NXPE3: variants seen among roughly 807,000 people sequenced by gnomAD.
NXPE3 encodes NXPE family member 3.
NXPE3 carries 26 observed loss-of-function variants against 46.1 expected under a neutral mutation model. The ratio of observed to expected loss-of-function variants is 0.56; its 90% CI spans 0.41 to 0.78. The LOEUF (loss-of-function observed/expected upper bound fraction) is 0.78, where lower values mean the gene tolerates loss of function less well. Among genes scored for constraint, NXPE3 ranks in the 30% least tolerant of loss-of-function variants. The probability of loss-of-function intolerance (pLI) is 0.00; values close to 1 mark genes in which losing one functional copy is unlikely to be tolerated. For synonymous variants in NXPE3, 272 were observed against 257.9 expected (o/e 1.05, Z -0.52); for missense variants, 620 against 686.0 (o/e 0.90, Z 1.07).
intron 7 of NXPE3, among the ~76,000 whole-genome samples, chr3:101,818,759 T>A (rs1348711843): frequency 7.7e-4 from 55 of 71,206 alleles, no homozygotes; most frequent in African/African-American, 2.1e-3. Context: ...ATATATTTTT[T>A]TTTTTTTTTT....
Position 101,825,970 on chromosome 3 carries a change from G to A in NXPE3, c.*4016G>A, listed in dbSNP as rs562536067. 2.0e-5 allele frequency: 3 copies of A among 152,230 alleles called. No individual in the cohort carries two copies. Among genetic ancestry groups the A allele is most frequent in the Non-Finnish European group, 2.9e-5 (2 of 68,014 alleles). The allele number at this position is 152,230 out of a possible 1,614,324, so 9.4% of individuals were successfully genotyped here. On this transcript the variant is annotated 3_prime_UTR_variant, in exon 8 of 8. Transcript: ENST00000273347. ...CTACTAAAAGTAACCTTTCTTCAGC[G>A]AATGCAAAACAGACCTTTGGTGTTC...
chr3:101,787,298 G>A (rs767448132), intron 4 of NXPE3, among the ~76,000 whole-genome samples: 2 of 152,042 alleles, frequency 1.3e-5, no homozygotes, highest in Non-Finnish European at 2.9e-5. Flanking sequence ...TATGATATTT[G>A]TCCTTTTTTT....
intron 4 of NXPE3, among the ~76,000 whole-genome samples, chr3:101,786,774 T>G (rs1332046593): frequency 6.6e-6 from 1 of 152,220 alleles, no homozygotes; most frequent in African/African-American, 2.4e-5. Flanking sequence ...AAGTATTTTT[T>G]GTGGTAAATA....
At chr3:101,780,172 A>G (rs769266215) in intron 1 of NXPE3, among the ~76,000 whole-genome samples, 18 of 152,352 alleles carry the variant, frequency 1.2e-4, no homozygotes, top group Admixed American at 3.9e-4. Context: ...CATTTGGAAC[A>G]TCAGGATATA....
rs1941161686 is a variant in NXPE3 at position 101,801,700 on chromosome 3, C to G, written c.559C>G (p.Leu187Val). Reference sequence around the variant, plus strand: ...AGGCAAAGTTAAAGTATCCGTATCTCTGGTCCACCCCAGTGAAGGGATCAG... The same window carrying G: ...AGGCAAAGTTAAAGTATCCGTATCTGTGGTCCACCCCAGTGAAGGGATCAG... ...WPGKVKVSVSLVHPSEGIRVL... is the reference protein window; with the variant it reads ...WPGKVKVSVSVVHPSEGIRVL... Residue 187 changes from leucine to valine, a missense_variant, in exon 5 of 8, where the codon CTG (leucine) becomes GTG (valine). This residue lies in a region of NXPE3 where 511 missense variants were observed against 528.6 expected (regional missense o/e 0.97). Transcript: ENST00000273347. 2 of 1,614,206 alleles carry G rather than the reference C, an allele frequency of 1.2e-6. No individual in the cohort carries two copies. Among genetic ancestry groups the G allele is most frequent in the East Asian group, 2.2e-5 (1 of 44,890 alleles).
Position 101,821,807 on chromosome 3 carries a change from G to A in NXPE3, c.1533G>A (p.Arg511=). Residue 511 remains arginine (R), a synonymous_variant, in exon 8 of 8, where the codon AGG becomes AGA. Transcript: ENST00000273347. ...YNFQLDTILR[R]MFSGVGVYLV... ...TTCAGCTGGACACCATCCTTCGGAG[G>A]ATGTTCTCAGGGGTTGGAGTATATC... The A allele has an allele frequency of 5.6e-6, 9 of 1,614,214 alleles. No homozygotes were observed. The highest frequency in any genetic ancestry group is 7.6e-6 in the Non-Finnish European group (9 of 1,180,048).
rs1942299586 is a variant in NXPE3 at position 101,822,420 on chromosome 3, A to G, written c.*466A>G. ...GGTTAACTAGAGAAAGCTTATAGTC[A>G]GAGGCTCTTGTGAATGCACTGAAGA... On this transcript the variant is annotated 3_prime_UTR_variant, in exon 8 of 8. Transcript: ENST00000273347. 1.3e-5 allele frequency: 2 copies of G among 156,756 alleles called. No homozygotes were observed. The highest frequency in any genetic ancestry group is 4.8e-5 in the African/African-American group (2 of 41,488). 9.7% of individuals were successfully genotyped at this position (156,756 alleles called of 1,614,324 possible). A position where few individuals can be genotyped will look rare whatever the true frequency, so the allele number is the denominator to read the frequency against.
At chr3:101,794,152 A>G (rs1013284698) in intron 4 of NXPE3, among the ~76,000 whole-genome samples, 14 of 150,950 alleles carry the variant, frequency 9.3e-5, no homozygotes, top group Non-Finnish European at 2.1e-4. Context: ...GCTAAATCGC[A>G]TTACTGTTTC....
chr3:101,821,664 C>T lies in NXPE3; in HGVS notation c.1390C>T (p.Arg464Cys), dbSNP rs762578763. The T allele has an allele frequency of 1.1e-5, 18 of 1,614,076 alleles. No individual in the cohort carries two copies. The highest frequency in any genetic ancestry group is 4.5e-5 in the East Asian group (2 of 44,894). ...EVYIRRLRNI[R>C]RAVVRLLDRS... is the part of the protein sequence containing the mutation. Reference sequence around the variant, plus strand: ...GTACATCCGGCGGCTCAGGAACATCCGTCGAGCAGTGGTTCGGCTCCTCGA... The same window carrying T: ...GTACATCCGGCGGCTCAGGAACATCTGTCGAGCAGTGGTTCGGCTCCTCGA... Residue 464 changes from arginine to cysteine, a missense_variant, in exon 8 of 8, where the codon CGT (arginine) becomes TGT (cysteine). Coordinates refer to ENST00000273347, the MANE Select transcript of NXPE3 (RefSeq NM_145037.4).
At chr3:101,786,821 T>C (rs1227161088) in intron 4 of NXPE3, among the ~76,000 whole-genome samples, 1 of 152,220 alleles carries the variant, frequency 6.6e-6, no homozygotes, top group Non-Finnish European at 1.5e-5. Flanking sequence ...CATTTTTAGG[T>C]GTACAATTGA....
chr3:101,798,635 C>G (rs1244741783), intron 4 of NXPE3, among the ~76,000 whole-genome samples: 1 of 142,768 alleles, frequency 7.0e-6, no homozygotes, highest in African/African-American at 2.6e-5. Flanking sequence ...GTTTTTGAGA[C>G]AAAGTCTTGT....
rs1169478520 is a variant in NXPE3, at chr3:101,782,645, T to G, written c.-316-15T>G. On this transcript the variant is annotated splice_polypyrimidine_tract_variant and intron_variant, in intron 2 of 7. Coordinates refer to ENST00000273347, the MANE Select transcript of NXPE3 (RefSeq NM_145037.4). The stretch of plus-strand genomic sequence containing the variant: ...GGTTTTATTCTTTATTTTATTTCAT[T>G]TTTTTTTGAGACAGAGTCCTGCTCT... 1.3e-5 allele frequency: 2 copies of G among 152,008 alleles called. No individual in the cohort carries two copies. Among genetic ancestry groups the G allele is most frequent in the Admixed American group, 6.6e-5 (1 of 15,260 alleles). 9.4% of individuals were successfully genotyped at this position (152,008 alleles called of 1,614,324 possible). A position where few individuals can be genotyped will look rare whatever the true frequency, so the allele number is the denominator to read the frequency against.
At chr3:101,804,887 TC>T (rs1298324194) in intron 5 of NXPE3, among the ~76,000 whole-genome samples, 1 of 152,260 alleles carries the variant, frequency 6.6e-6, no homozygotes, top group Admixed American at 6.5e-5. Context: ...AATGGGCTTA[TC>T]ACCTACAACA....
chr3:101,817,242 T>C (rs1208600298), intron 7 of NXPE3, among the ~76,000 whole-genome samples: 2 of 152,248 alleles, frequency 1.3e-5, no homozygotes, highest in Non-Finnish European at 2.9e-5. Context: ...GCTGTATGAC[T>C]TTGGACAAGT....
At chr3:101,809,841 A>G (rs1275438060) in intron 6 of NXPE3, among the ~76,000 whole-genome samples, 1 of 151,950 alleles carries the variant, frequency 6.6e-6, no homozygotes, top group Non-Finnish European at 1.5e-5. Flanking sequence ...TGTTTTGAGC[A>G]CTTCCTTAGT....
intron 3 of NXPE3, 70 bp downstream of exon 3, chr3:101,782,850 C>T (rs1429400003): frequency 1.3e-5 from 2 of 152,092 alleles, no homozygotes; most frequent in African/African-American, 4.8e-5. Context: ...GTCTCACTAT[C>T]TTGCCTCAGC....
At chr3:101,793,057 T>C (rs1044090814) in intron 4 of NXPE3, among the ~76,000 whole-genome samples, 2 of 152,230 alleles carry the variant, frequency 1.3e-5, no homozygotes, top group Non-Finnish European at 2.9e-5. Flanking sequence ...CTGATTTGGC[T>C]CTCAGTTTGG....
intron 7 of NXPE3, among the ~76,000 whole-genome samples, chr3:101,820,344 C>G (rs961086769): frequency 6.6e-6 from 1 of 152,092 alleles, no homozygotes; most frequent in African/African-American, 2.4e-5. Flanking sequence ...TCACACCAAT[C>G]AGAATGGCTA....
chr3:101,825,612 T>C lies in NXPE3; in HGVS notation c.*3658T>C, dbSNP rs573325191. Reference sequence around the variant, plus strand: ...CCATATACTTATAGAGAATATGTAATTTGGGTCTGTGTTTTTTACATATAA... The same window carrying C: ...CCATATACTTATAGAGAATATGTAACTTGGGTCTGTGTTTTTTACATATAA... On this transcript the variant is annotated 3_prime_UTR_variant, in exon 8 of 8. Transcript: ENST00000273347. 2.6e-5 allele frequency: 4 copies of C among 152,312 alleles called. No homozygotes were observed. Among genetic ancestry groups the C allele is most frequent in the African/African-American group, 9.6e-5 (4 of 41,580 alleles). 9.4% of individuals were successfully genotyped at this position (152,312 alleles called of 1,614,324 possible). A position where few individuals can be genotyped will look rare whatever the true frequency, so the allele number is the denominator to read the frequency against.
Sources: gnomAD v4.1 joint callset for allele counts (sites outside exome capture counted in the v4.1 genomes callset) on GRCh38, gnomAD v4.1.1 for gene constraint, gnomAD v4.1.1 regional missense constraint, MANE v1.5 for transcripts, NCBI Gene and HGNC (gene_info 2026-07-23, HGNC 2026-07-21) for gene names.